Variants in MERTK observed in about 807,000 individuals in gnomAD.
MERTK encodes MER proto-oncogene, tyrosine kinase.
Under a neutral mutation model 99.3 loss-of-function variants are expected in MERTK, and 69 were observed. That is an observed-to-expected ratio of 0.70 (90% CI 0.57 to 0.85). The LOEUF (loss-of-function observed/expected upper bound fraction) is 0.85, where lower values mean the gene tolerates loss of function less well. Ranked by LOEUF, MERTK falls within the 40% of genes least tolerant of loss-of-function variation. The pLI is 0.00. For missense variants in MERTK, 1,125 were observed against 1,249.4 expected, an observed-to-expected ratio of 0.90 and a Z score of 1.50; for synonymous variants, 426 against 467.6, an observed-to-expected ratio of 0.91 and a Z score of 1.15.
At chr2:111,910,274 T>TG (rs1491456409) in intron 1 of MERTK, among the ~76,000 whole-genome samples, 90 of 9,614 alleles carry the variant, frequency 9.4e-3, no homozygotes, top group Admixed American at 0.015. Flanking sequence ...CTGTTTTTTG[T>TG]TTTTTTTTTT....
At chr2:111,980,080 C>T (rs1022742633) in intron 7 of MERTK, among the ~76,000 whole-genome samples, 1 of 152,198 alleles carries the variant, frequency 6.6e-6, no homozygotes, top group African/African-American at 2.4e-5. Context: ...ACGATACCCC[C>T]CAACTGTCAA....
chr2:112,006,572 G>A (rs759097782), intron 13 of MERTK, among the ~76,000 whole-genome samples: 4 of 152,124 alleles, frequency 2.6e-5, no homozygotes, highest in Non-Finnish European at 4.4e-5. Flanking sequence ...CTGGTGGGAG[G>A]AGCTGGGCCT....
intron 3 of MERTK, among the ~76,000 whole-genome samples, chr2:111,946,538 T>A (rs966904372): frequency 1.4e-4 from 22 of 152,116 alleles, no homozygotes; most frequent in African/African-American, 5.3e-4. Flanking sequence ...TACGGTAGAT[T>A]TAAGGATTGT....
intron 2 of MERTK, 21 bp from the exon 3 acceptor site, chr2:111,944,939 T>C: frequency 6.3e-7 from 1 of 1,599,188 alleles, no homozygotes; most frequent in East Asian, 2.2e-5. Flanking sequence ...TGTAAATATC[T>C]TCATGTGTTT....
At chr2:111,998,458 T>C (rs1432611809) in intron 10 of MERTK, among the ~76,000 whole-genome samples, 1 of 152,172 alleles carries the variant, frequency 6.6e-6, no homozygotes, top group Non-Finnish European at 1.5e-5. Context: ...AATACAGTGG[T>C]GAACAAAATC....
At chr2:111,909,540 A>G (rs1057420657) in intron 1 of MERTK, among the ~76,000 whole-genome samples, 5 of 152,208 alleles carry the variant, frequency 3.3e-5, no homozygotes, top group African/African-American at 1.2e-4. Context: ...TCACCCCAGC[A>G]CCTGGATTCA....
chr2:111,956,344 T>C (rs1314325286), intron 4 of MERTK, among the ~76,000 whole-genome samples: 1 of 152,222 alleles, frequency 6.6e-6, no homozygotes, highest in African/African-American at 2.4e-5. Flanking sequence ...TTATATTTTT[T>C]GTGTTGTTAT....
rs1677536229 is a variant in MERTK at position 112,029,411 on chromosome 2, A to AG, written c.*548dup. On this transcript the variant is annotated 3_prime_UTR_variant, in exon 19 of 19. Coordinates refer to ENST00000295408, the MANE Select transcript of MERTK (RefSeq NM_006343.3). Reference sequence around the variant, plus strand: ...TGAGACTTGAAAGACAGTGGTCGGCAGCGGCCTTGTGGCCTTTGCAAAGGA... The same window carrying AG: ...TGAGACTTGAAAGACAGTGGTCGGCAGGCGGCCTTGTGGCCTTTGCAAAGGA... The AG allele has an allele frequency of 1.1e-6, 1 of 884,566 alleles. No individual in the cohort carries two copies. Among genetic ancestry groups the AG allele is most frequent in the African/African-American group, 1.8e-5 (1 of 55,010 alleles). The allele number at this position is 884,566 out of a possible 1,614,324, so 54.8% of individuals were successfully genotyped here. A position where few individuals can be genotyped will look rare whatever the true frequency, so the allele number is the denominator to read the frequency against.
intron 8 of MERTK, among the ~76,000 whole-genome samples, chr2:111,990,141 A>G (rs1000724676): frequency 6.6e-6 from 1 of 152,172 alleles, no homozygotes; most frequent in Non-Finnish European, 1.5e-5. Context: ...AGACTTAAAT[A>G]CTTGGGGATA....
intron 13 of MERTK, among the ~76,000 whole-genome samples, chr2:112,006,676 T>G (rs1482139661): frequency 6.6e-6 from 1 of 152,156 alleles, no homozygotes; most frequent in Non-Finnish European, 1.5e-5. Flanking sequence ...TGTCAAAGAT[T>G]GAGAGTATAA....
intron 4 of MERTK, among the ~76,000 whole-genome samples, chr2:111,948,494 A>G (rs1165962662): frequency 1.3e-5 from 2 of 152,034 alleles, no homozygotes; most frequent in Admixed American, 6.5e-5. Flanking sequence ...CATGTATCCA[A>G]CCGCCTCCTT....
intron 4 of MERTK, among the ~76,000 whole-genome samples, chr2:111,959,648 G>GT (rs1649756249): frequency 6.6e-6 from 1 of 151,944 alleles, no homozygotes; most frequent in Non-Finnish European, 1.5e-5. Context: ...TAATTTTTGT[G>GT]TTTTTTGTAG....
intron 14 of MERTK, 131 bp from the exon 15 acceptor site, chr2:112,009,817 T>G: frequency 1.3e-6 from 1 of 760,530 alleles, no homozygotes; most frequent in East Asian, 2.5e-5. Flanking sequence ...GAGTGTGAGT[T>G]AGGCGCTCTT....
At chr2:111,929,038 C>T in intron 1 of MERTK, 82 bp from the exon 2 acceptor site, 1 of 1,490,220 alleles carries the variant, frequency 6.7e-7, no homozygotes, top group Non-Finnish European at 9.3e-7. Context: ...AGTGCTCTCT[C>T]TTCTTGGCCT....
chr2:111,899,200 C>G (rs6729037), intron 1 of MERTK, among the ~76,000 whole-genome samples: 36,381 of 152,150 alleles, frequency 0.24, 4,716 homozygotes, highest in South Asian at 0.32. Context: ...ATGGTGGGGC[C>G]CCGCTCTGGC....
At chr2:112,021,634 T>C in intron 17 of MERTK, 53 bp downstream of exon 17, 1 of 1,518,638 alleles carries the variant, frequency 6.6e-7, no homozygotes, top group South Asian at 1.1e-5. Context: ...GGAGGGCATA[T>C]TGAAAGAAAT....
chr2:111,937,728 G>A (rs535356900), intron 2 of MERTK, among the ~76,000 whole-genome samples: 5 of 152,246 alleles, frequency 3.3e-5, no homozygotes, highest in South Asian at 4.2e-4. Context: ...TGGAAAAGCT[G>A]TTATTAACCA....
At chr2:111,903,523 T>A (rs1162823089) in intron 1 of MERTK, among the ~76,000 whole-genome samples, 4 of 152,266 alleles carry the variant, frequency 2.6e-5, no homozygotes, top group African/African-American at 9.6e-5. Context: ...TTCTAACAAC[T>A]CCTTGCTCAG....
intron 18 of MERTK, among the ~76,000 whole-genome samples, chr2:112,026,868 T>A (rs1245104861): frequency 6.6e-6 from 1 of 152,234 alleles, no homozygotes; most frequent in Non-Finnish European, 1.5e-5. Flanking sequence ...AATGTCAATA[T>A]GGAAATTGCA....
Sources: allele counts gnomAD v4.1 joint callset (sites outside exome capture counted in the v4.1 genomes callset), GRCh38; gene constraint gnomAD v4.1.1; transcripts MANE v1.5; gene names NCBI Gene and HGNC (gene_info 2026-07-23, HGNC 2026-07-21).